The following FARP1 variants were observed in gnomAD, a reference collection of about 807,000 sequenced individuals.
FARP1 encodes the protein FERM, ARH/RhoGEF and pleckstrin domain protein 1.
FARP1 carries 52 observed loss-of-function variants against 128.8 expected under a neutral mutation model. That is an observed-to-expected ratio of 0.40 (90% CI 0.32 to 0.51). The LOEUF is 0.51. FARP1 is among the 20% of genes least tolerant of loss of function. FARP1 has a pLI of 0.45. For missense variants in FARP1, 1,333 were observed against 1,367.9 expected (o/e 0.97, Z 0.40); for synonymous variants, 580 against 551.8 (o/e 1.05, Z -0.72).
chr13:98,436,237 C>T, intron 19 of FARP1: 1 of 206,986 alleles, frequency 4.8e-6, no homozygotes, highest in Non-Finnish European at 9.8e-6. Context: ...TGTCGCCTAC[C>T]CCTCCCCAGC....
chr13:98,351,355 G>A (rs987136736), intron 3 of FARP1, among the ~76,000 whole-genome samples: 29 of 152,278 alleles, frequency 1.9e-4, no homozygotes, highest in African/African-American at 6.5e-4. Context: ...GCTCACGCCT[G>A]TAATCCCAGC....
At chr13:98,372,630 GA>G (rs1889400168) in intron 5 of FARP1, among the ~76,000 whole-genome samples, 1 of 152,172 alleles carries the variant, frequency 6.6e-6, no homozygotes, top group African/African-American at 2.4e-5. Context: ...AATAAGAAAA[GA>G]GGGAAGATGG....
chr13:98,369,434 A>G (rs2139980016), intron 5 of FARP1, among the ~76,000 whole-genome samples: 2 of 149,198 alleles, frequency 1.3e-5, no homozygotes, highest in Middle Eastern at 7.0e-3. Context: ...TTACATATGT[A>G]TACATGTGCC....
At chr13:98,205,004 T>C (rs969279302) in intron 1 of FARP1, among the ~76,000 whole-genome samples, 1 of 152,204 alleles carries the variant, frequency 6.6e-6, no homozygotes, top group African/African-American at 2.4e-5. Flanking sequence ...TTGCTTGTGA[T>C]GAAAGTTTTG....
intron 17 of FARP1, among the ~76,000 whole-genome samples, chr13:98,427,021 T>A (rs3912259): frequency 0.12 from 18,408 of 152,118 alleles, 1,639 homozygotes; most frequent in East Asian, 0.31. Context: ...GGCGTGGTGC[T>A]CGTGTGGAAA....
intron 2 of FARP1, among the ~76,000 whole-genome samples, chr13:98,272,093 G>C (rs149198242): frequency 4.0e-5 from 6 of 151,870 alleles, no homozygotes; most frequent in African/African-American, 1.5e-4. Flanking sequence ...GCAGTGGTGC[G>C]ATCTTGGCTC....
intron 2 of FARP1, among the ~76,000 whole-genome samples, chr13:98,235,048 T>C (rs1233576890): frequency 6.6e-6 from 1 of 152,194 alleles, no homozygotes; most frequent in Non-Finnish European, 1.5e-5. Context: ...CATTGAGTAA[T>C]AAAAAGTAGG....
At chr13:98,287,343 C>T (rs1885230131) in intron 2 of FARP1, among the ~76,000 whole-genome samples, 1 of 150,430 alleles carries the variant, frequency 6.6e-6, no homozygotes, top group Non-Finnish European at 1.5e-5. Flanking sequence ...CATTCTCCTG[C>T]CTCAGCCTCC....
At chr13:98,246,220 C>G (rs369799124) in intron 2 of FARP1, among the ~76,000 whole-genome samples, 1 of 149,412 alleles carries the variant, frequency 6.7e-6, no homozygotes, top group Admixed American at 6.7e-5. Context: ...CTCAGCCTCC[C>G]GAGTAGCTAG....
chr13:98,372,447 A>T (rs1889389191), intron 5 of FARP1, among the ~76,000 whole-genome samples: 1 of 151,770 alleles, frequency 6.6e-6, no homozygotes, highest in Admixed American at 6.6e-5. Flanking sequence ...ATGTTTAGCC[A>T]CCCTTTGTTC....
rs551472643 is a variant in FARP1 at position 98,152,993 on chromosome 13, T to G, written c.-24+9501T>G. Reference sequence around the variant, plus strand: ...TTCTTCAAGAAAAAAATGATGGAAATGCCAGCCATTTCTGTCAACCTAGAA... The same window carrying G: ...TTCTTCAAGAAAAAAATGATGGAAAGGCCAGCCATTTCTGTCAACCTAGAA... On this transcript the variant is annotated intron_variant, in intron 1 of 26. Coordinates refer to ENST00000319562, the MANE Select transcript of FARP1 (RefSeq NM_005766.4). Among the ~76,000 whole-genome samples, 7 of 152,188 alleles carry G rather than the reference T, an allele frequency of 4.6e-5. No individual in the cohort carries two copies. The South Asian group carries it at 1.5e-3, about 32-fold the overall frequency.
chr13:98,383,634 A>G (rs2772354), intron 6 of FARP1: 130,156 of 152,166 alleles, frequency 0.86, 56,800 homozygotes, highest in African/African-American at 0.97. Context: ...TGGTCATTAG[A>G]CTATTTTTTA....
chr13:98,162,529 C>T (rs1464225993), intron 1 of FARP1, among the ~76,000 whole-genome samples: 1 of 152,190 alleles, frequency 6.6e-6, no homozygotes, highest in Non-Finnish European at 1.5e-5. Context: ...TACCTTGAAC[C>T]TCTCAAACCT....
At chr13:98,294,015 G>T (rs768472159) in intron 2 of FARP1, among the ~76,000 whole-genome samples, 5 of 152,288 alleles carry the variant, frequency 3.3e-5, no homozygotes, top group Admixed American at 6.5e-5. Context: ...ATATTTATGT[G>T]TGTCGAAGTC....
intron 2 of FARP1, among the ~76,000 whole-genome samples, chr13:98,236,466 A>G (rs1882426058): frequency 6.6e-6 from 1 of 152,208 alleles, no homozygotes; most frequent in African/African-American, 2.4e-5. Context: ...ACAGTTGGCC[A>G]TTGAACAACA....
chr13:98,181,056 T>C (rs1382076100), intron 1 of FARP1, among the ~76,000 whole-genome samples: 1 of 152,126 alleles, frequency 6.6e-6, no homozygotes, highest in African/African-American at 2.4e-5. Context: ...TTTAAGTCTT[T>C]TTTTTTTTAA....
chr13:98,251,916 T>C (rs1407945453), intron 2 of FARP1, among the ~76,000 whole-genome samples: 2 of 152,182 alleles, frequency 1.3e-5, no homozygotes, highest in African/African-American at 4.8e-5. Context: ...GACGCAATCT[T>C]GGCTCAATGC....
rs1297799701 is a variant in FARP1, at chr13:98,454,026, T to C, written c.*5709T>C. 2.0e-5 allele frequency: 3 copies of C among 152,230 alleles called. No homozygotes were observed. The highest frequency in any genetic ancestry group is 7.2e-5 in the African/African-American group (3 of 41,548). 9.4% of individuals were successfully genotyped at this position (152,230 alleles called of 1,614,324 possible). On this transcript the variant is annotated 3_prime_UTR_variant, in exon 27 of 27. Transcript: ENST00000319562. ...CATGCTGGCGCTCAAAAGTTTCAGA[T>C]TGGGGATTTGGGATATTCAGCCTGT...
chr13:98,320,939 C>T lies in FARP1; in HGVS notation c.172-22823C>T, dbSNP rs1007114571. On this transcript the variant is annotated intron_variant, in intron 2 of 26. Transcript: ENST00000319562. ...AAAACTGGAGCTGTTGTTCACTCCC[C>T]GAGAGACACCTCCAGTTTGAGAAGG... Among the ~76,000 whole-genome samples the T allele has an allele frequency of 4.6e-5, 7 of 152,154 alleles. No individual in the cohort carries two copies. The South Asian group carries it at 6.2e-4, about 14-fold the overall frequency.
Sources: allele counts gnomAD v4.1 joint callset (sites outside exome capture counted in the v4.1 genomes callset), GRCh38; gene constraint gnomAD v4.1.1; transcripts MANE v1.5; gene names NCBI Gene and HGNC (gene_info 2026-07-23, HGNC 2026-07-21).